FCHO1: variants seen among roughly 807,000 people sequenced by gnomAD.
FCHO1 encodes FCH and mu domain containing endocytic adaptor 1.
FCHO1 carries 45 observed loss-of-function variants against 114.4 expected under a neutral mutation model. That is an observed-to-expected ratio of 0.39 (90% CI 0.31 to 0.50). The LOEUF (loss-of-function observed/expected upper bound fraction) is 0.50. Ranked by LOEUF, FCHO1 falls within the 20% of genes least tolerant of loss-of-function variation. FCHO1 has a pLI of 0.77. For missense variants in FCHO1, 1,042 were observed against 1,209.6 expected, an observed-to-expected ratio of 0.86 and a Z score of 2.06; for synonymous variants, 480 against 488.9, an observed-to-expected ratio of 0.98 and a Z score of 0.24.
chr19:17,765,927 C>T (rs1413465498), intron 6 of FCHO1, among the ~76,000 whole-genome samples: 3 of 131,156 alleles, frequency 2.3e-5, no homozygotes, highest in African/African-American at 5.9e-5. Context: ...CTCACTCTGT[C>T]GCCCAGGCTG....
At chr19:17,757,362 G>A (rs2084015929) in intron 4 of FCHO1, among the ~76,000 whole-genome samples, 1 of 152,126 alleles carries the variant, frequency 6.6e-6, no homozygotes, top group South Asian at 2.1e-4. Flanking sequence ...AAACGGGCCA[G>A]CAGTTGGCTC....
At chr19:17,749,801 G>A (rs1483882690), upstream of FCHO1, among the ~76,000 whole-genome samples, 2 of 152,212 alleles carry the variant, frequency 1.3e-5, no homozygotes. Context: ...GACATAGTGG[G>A]TCATTGAAAC....
chr19:17,787,904 C>T, intron 28 of FCHO1, 58 bp downstream of exon 28: 2 of 1,564,200 alleles, frequency 1.3e-6, no homozygotes, highest in Non-Finnish European at 1.7e-6. Flanking sequence ...CAGGGGCAAG[C>T]CCCGGGGTGT....
intron 4 of FCHO1, chr19:17,758,910 G>A (rs1343684622): frequency 6.6e-6 from 1 of 152,132 alleles, no homozygotes; most frequent in Non-Finnish European, 1.5e-5. Flanking sequence ...GGAATTTGAG[G>A]CTGCAGTGAG....
chr19:17,787,749 A>G lies in FCHO1; in HGVS notation c.2550A>G (p.Ala850=), dbSNP rs200812735. The change falls in exon 28 of 29, where the codon GCA becomes GCG. Residue 850 remains alanine (A), a synonymous_variant. Transcript: ENST00000596536. ...CCAGCACACCCAGCCCCGTGGCTGC[A>G]CAGTTCACCAGCGAGGGGACCACTC... ...SGPSTPSPVA[A]QFTSEGTTLS... 1 of 1,601,356 alleles carries G rather than the reference A, an allele frequency of 6.2e-7. No individual in the cohort carries two copies. Among genetic ancestry groups the G allele is most frequent in the East Asian group, 2.2e-5 (1 of 44,494 alleles).
At chr19:17,759,148 G>C (rs934044834) in intron 4 of FCHO1, among the ~76,000 whole-genome samples, 1 of 151,610 alleles carries the variant, frequency 6.6e-6, no homozygotes, top group Non-Finnish European at 1.5e-5. Context: ...CCCTCCACAA[G>C]CCTTCTCTTC....
At chr19:17,762,481 G>A (rs1243128631) in intron 4 of FCHO1, among the ~76,000 whole-genome samples, 1 of 152,018 alleles carries the variant, frequency 6.6e-6, no homozygotes, top group African/African-American at 2.4e-5. Context: ...GAAAGACAGA[G>A]ACACAAAGAC....
chr19:17,770,987 C>G, intron 9 of FCHO1, 91 bp downstream of exon 9: 1 of 1,119,674 alleles, frequency 8.9e-7, no homozygotes, highest in Non-Finnish European at 1.3e-6. Context: ...GGTGTGGTGG[C>G]TCACACCTGT....
At chr19:17,772,812 C>T in intron 11 of FCHO1, 71 bp downstream of exon 11, 2 of 1,117,068 alleles carry the variant, frequency 1.8e-6, no homozygotes, top group Non-Finnish European at 2.7e-6. Flanking sequence ...CCACCATGCC[C>T]AGCTAATTTT....
At chr19:17,760,397 C>T (rs563496521) in intron 4 of FCHO1, among the ~76,000 whole-genome samples, 1 of 152,154 alleles carries the variant, frequency 6.6e-6, no homozygotes, top group South Asian at 2.1e-4. Context: ...AGGCATGATG[C>T]CCTTCCCAGG....
intron 1 of FCHO1, among the ~76,000 whole-genome samples, chr19:17,753,477 T>G (rs532216811): frequency 2.0e-5 from 3 of 152,298 alleles, no homozygotes; most frequent in Non-Finnish European, 4.4e-5. Flanking sequence ...GCCCTGACCA[T>G]GCAGGACGGT....
At chr19:17,770,371 T>C in intron 7 of FCHO1, 54 bp from the exon 8 acceptor site, 1 of 1,548,106 alleles carries the variant, frequency 6.5e-7, no homozygotes, top group Non-Finnish European at 8.8e-7. Context: ...CGTGGAGTGT[T>C]TGGGAGGTCA....
chr19:17,788,182 T>G, intron 28 of FCHO1, 102 bp from the exon 29 acceptor site: 1 of 906,212 alleles, frequency 1.1e-6, no homozygotes, highest in South Asian at 1.4e-5. Context: ...AGGGGTGTTT[T>G]GAAGAGGACA....
chr19:17,757,121 G>A (rs1374965773), intron 4 of FCHO1, among the ~76,000 whole-genome samples: 1 of 151,334 alleles, frequency 6.6e-6, no homozygotes, highest in Non-Finnish European at 1.5e-5. Context: ...CCCGGGAGGT[G>A]GAAGTCGCAG....
Position 17,778,791 on chromosome 19 carries a change from G to T in FCHO1, c.1534G>T (p.Ala512Ser). 6.5e-7 allele frequency: 1 copy of T among 1,540,300 alleles called. No individual in the cohort carries two copies. Among genetic ancestry groups the T allele is most frequent in the South Asian group, 1.2e-5 (1 of 84,414 alleles). ...PPSCRAPPPE[A>S]RGIRAPPLPD... ...CAGCTGTAGGGCGCCACCCCCAGAG[G>T]CCAGGGGTATCCGGGCACCGCCTCT... The change falls in exon 20 of 29, where the codon GCC (alanine) becomes TCC (serine). Residue 512 changes from alanine (A) to serine (S), a missense_variant. Transcript: ENST00000596536.
rs1011932509 is a variant in FCHO1 at position 17,751,820 on chromosome 19, G to A, written c.-183+243G>A. ...AGCTTGGAAACCCAGAGAGCCACGC[G>A]TGATGGTTTCAAACAGGAGGTCATT... On this transcript the variant is annotated intron_variant, in intron 1 of 28. Transcript: ENST00000596536. This position sits in a 1 kb window ranked among gnomAD's most constrained non-coding sequence, Gnocchi z 4.4. 1.3e-5 allele frequency among the ~76,000 whole-genome samples: 2 copies of A among 152,358 alleles called. No homozygotes were observed. The highest frequency in any genetic ancestry group is 6.5e-5 in the Admixed American group (1 of 15,310).
chr19:17,759,681 C>G (rs1207504618), intron 4 of FCHO1, among the ~76,000 whole-genome samples: 1 of 151,686 alleles, frequency 6.6e-6, no homozygotes, highest in Non-Finnish European at 1.5e-5. Context: ...GCCTGTAATC[C>G]CAGCACTTTG....
At chr19:17,783,835 C>T (rs557435871) in intron 24 of FCHO1, among the ~76,000 whole-genome samples, 9 of 152,298 alleles carry the variant, frequency 5.9e-5, no homozygotes, top group East Asian at 3.9e-4. Flanking sequence ...CCCGTCTCAG[C>T]CTCCCAAAGT....
Position 17,769,881 on chromosome 19 carries a change from A to C in FCHO1, c.337-544A>C, listed in dbSNP as rs574466899. Among the ~76,000 whole-genome samples, 31 of 151,966 alleles carry C rather than the reference A, an allele frequency of 2.0e-4. 1 individual carries two copies. The East Asian group carries it at 4.1e-3, about 20-fold the overall frequency. ...AAATGTTTTGAAATGAAAAACGTAC[A>C]GGCCGGGCGTAGTGGCTCACACCTG... On this transcript the variant is annotated intron_variant, in intron 7 of 28. Transcript: ENST00000596536.
Sources: gnomAD v4.1 joint callset for allele counts (sites outside exome capture counted in the v4.1 genomes callset) on GRCh38, gnomAD v4.1.1 for gene constraint, Gnocchi (gnomAD v3.1) non-coding constraint, MANE v1.5 for transcripts, NCBI Gene and HGNC (gene_info 2026-07-23, HGNC 2026-07-21) for gene names.